SGCZ: variants seen among roughly 807,000 people sequenced by gnomAD.
SGCZ encodes the protein sarcoglycan zeta.
A neutral mutation model predicts 41.3 loss-of-function variants in SGCZ; 40 were observed. That is an observed-to-expected ratio of 0.97 (90% CI 0.75 to 1.26). The LOEUF (loss-of-function observed/expected upper bound fraction) is 1.26. Among genes scored for constraint, SGCZ ranks in the 50% most tolerant of loss-of-function variants. The pLI, the probability that SGCZ is intolerant of heterozygous loss-of-function variation, is 0.00. For synonymous variants in SGCZ, 206 were observed against 137.5 expected (o/e 1.50, Z -3.49); for missense variants, 552 against 369.8 (o/e 1.49, Z -4.04).
chr8:14,392,311 C>T (rs572642754), intron 2 of SGCZ, among the ~76,000 whole-genome samples: 1 of 152,144 alleles, frequency 6.6e-6, no homozygotes, highest in South Asian at 2.1e-4. Context: ...AATAGGTGGC[C>T]TTCTAGCTTT....
At chr8:14,278,676 G>A (rs546437966) in intron 3 of SGCZ, among the ~76,000 whole-genome samples, 3 of 152,020 alleles carry the variant, frequency 2.0e-5, no homozygotes, top group Non-Finnish European at 2.9e-5. Flanking sequence ...AATTGCCATT[G>A]ATTTGATATA....
chr8:14,602,826 C>T (rs1188317687), intron 1 of SGCZ, among the ~76,000 whole-genome samples: 1 of 152,130 alleles, frequency 6.6e-6, no homozygotes. Context: ...CTAATCACCA[C>T]CTCTCAGCTG....
At chr8:14,743,216 C>G (rs1474541099) in intron 1 of SGCZ, among the ~76,000 whole-genome samples, 2 of 152,030 alleles carry the variant, frequency 1.3e-5, no homozygotes, top group African/African-American at 4.8e-5. Flanking sequence ...TAGACCGTAT[C>G]AAATGTTATC....
chr8:14,121,883 T>A (rs1240953988), intron 5 of SGCZ, among the ~76,000 whole-genome samples: 3 of 152,174 alleles, frequency 2.0e-5, no homozygotes, highest in South Asian at 2.1e-4. Flanking sequence ...TTTTTAAAAA[T>A]TTTTTATTAT....
intron 1 of SGCZ, among the ~76,000 whole-genome samples, chr8:14,588,768 T>C (rs529930025): frequency 6.6e-6 from 1 of 152,154 alleles, no homozygotes; most frequent in Non-Finnish European, 1.5e-5. Flanking sequence ...AATAGATTGA[T>C]AACAAAGAAT....
chr8:14,389,901 G>A (rs974736273), intron 2 of SGCZ, among the ~76,000 whole-genome samples: 32 of 152,056 alleles, frequency 2.1e-4, no homozygotes, highest in African/African-American at 7.5e-4. Flanking sequence ...CTGACCAAGG[G>A]TATCAGAACT....
chr8:14,307,061 A>G (rs1365655), intron 3 of SGCZ, among the ~76,000 whole-genome samples: 1 of 151,998 alleles, frequency 6.6e-6, no homozygotes, highest in East Asian at 1.9e-4. Context: ...AGAGAAAATG[A>G]ATTTAACAAA....
At chr8:14,961,956 C>T (rs551904951) in intron 1 of SGCZ, among the ~76,000 whole-genome samples, 1 of 152,278 alleles carries the variant, frequency 6.6e-6, no homozygotes, top group African/African-American at 2.4e-5. Flanking sequence ...TTTCTTATTC[C>T]TTCTTGCGGA....
chr8:15,225,300 T>C (rs959907467), intron 1 of SGCZ, among the ~76,000 whole-genome samples: 1 of 150,564 alleles, frequency 6.6e-6, no homozygotes, highest in African/African-American at 2.5e-5. Context: ...CCAAAGTGTA[T>C]AGGAACACAA....
intron 3 of SGCZ, among the ~76,000 whole-genome samples, chr8:14,297,945 G>A (rs1166683562): frequency 6.6e-6 from 1 of 151,688 alleles, no homozygotes; most frequent in South Asian, 2.1e-4. Context: ...ACAATAAAAT[G>A]AAGTTACAAA....
At chr8:14,266,064 G>A (rs376144624) in intron 3 of SGCZ, among the ~76,000 whole-genome samples, 2 of 152,036 alleles carry the variant, frequency 1.3e-5, no homozygotes, top group African/African-American at 4.8e-5. Flanking sequence ...TATTCAAAGA[G>A]ATAATAACAG....
chr8:14,554,875 T>G lies in SGCZ; in HGVS notation c.91A>C (p.Thr31Pro). ...ACTGGGTAAAGTTGTGCATTCTCAG[T>G]CCTTGGCAGGTTATTCTGTTGGGTT... ...LATQQNNLPR[T>P]ENAQLYPVGI... Residue 31 changes from threonine (T) to proline (P), a missense_variant, in exon 2 of 8, where the codon ACT (threonine) becomes CCT (proline). Thr to Pro is a conservative substitution (Grantham distance 38). Transcript: ENST00000382080. The G allele has an allele frequency of 6.2e-7, 1 of 1,613,114 alleles. No individual in the cohort carries two copies. The highest frequency in any genetic ancestry group is 8.5e-7 in the Non-Finnish European group (1 of 1,179,496).
At chr8:15,163,436 C>G (rs1415169109) in intron 1 of SGCZ, among the ~76,000 whole-genome samples, 1 of 152,182 alleles carries the variant, frequency 6.6e-6, no homozygotes, top group Non-Finnish European at 1.5e-5. Flanking sequence ...ACTGAAAGGC[C>G]AGAAGATATG....
chr8:14,245,057 C>G (rs896170351), intron 3 of SGCZ, among the ~76,000 whole-genome samples: 3 of 152,174 alleles, frequency 2.0e-5, no homozygotes, highest in African/African-American at 7.2e-5. Flanking sequence ...AATTTGACTT[C>G]CTCTTTTCCT....
intron 2 of SGCZ, among the ~76,000 whole-genome samples, chr8:14,393,985 C>T (rs1804883507): frequency 6.6e-6 from 1 of 152,124 alleles, no homozygotes; most frequent in African/African-American, 2.4e-5. Context: ...GATATGTGTA[C>T]TTTAAAGAAG....
At position 14,886,536 on chromosome 8, in the gene SGCZ, A is replaced by G. The variant is rs572515350; in HGVS notation, c.40-331610T>C. On this transcript the variant is annotated intron_variant, in intron 1 of 7. Coordinates refer to ENST00000382080, the MANE Select transcript of SGCZ (RefSeq NM_139167.4). Reference sequence around the variant, plus strand: ...GAGGTGAGAGAACAAATAATCCTGAAATGAGGTGGCTGGGGGAGGGAAGAA... The same window carrying G: ...GAGGTGAGAGAACAAATAATCCTGAGATGAGGTGGCTGGGGGAGGGAAGAA... Among the ~76,000 whole-genome samples the G allele has an allele frequency of 5.3e-5, 8 of 152,162 alleles. No homozygotes were observed. The East Asian group carries it at 1.6e-3, about 30-fold the overall frequency.
At chr8:14,792,164 T>A (rs1197212826) in intron 1 of SGCZ, among the ~76,000 whole-genome samples, 1 of 152,202 alleles carries the variant, frequency 6.6e-6, no homozygotes, top group Non-Finnish European at 1.5e-5. Flanking sequence ...AAATACACTT[T>A]TCATAGTTTA....
chr8:14,985,777 C>T lies in SGCZ; in HGVS notation c.39+251808G>A, dbSNP rs548627869. Among the ~76,000 whole-genome samples the T allele has an allele frequency of 4.6e-5, 7 of 152,268 alleles. No individual in the cohort carries two copies. In the East Asian group the frequency reaches 1.3e-3, roughly 29 times the overall value. On this transcript the variant is annotated intron_variant, in intron 1 of 7. Transcript: ENST00000382080. Reference sequence around the variant, plus strand: ...AGCTGAAGAACATTCTGTGAAACACCAATGAACATCTAGACTTACTCATTG... The same window carrying T: ...AGCTGAAGAACATTCTGTGAAACACTAATGAACATCTAGACTTACTCATTG...
intron 4 of SGCZ, among the ~76,000 whole-genome samples, chr8:14,166,547 A>G (rs775977316): frequency 6.6e-6 from 1 of 152,312 alleles, no homozygotes; most frequent in East Asian, 1.9e-4. Flanking sequence ...TATCTTACAC[A>G]TAAAACCTCA....
Sources: allele counts gnomAD v4.1 joint callset (sites outside exome capture counted in the v4.1 genomes callset), GRCh38; gene constraint gnomAD v4.1.1; transcripts MANE v1.5; gene names NCBI Gene and HGNC (gene_info 2026-07-23, HGNC 2026-07-21).